The following CPT1A variants were observed in gnomAD, a reference collection of about 807,000 sequenced individuals.
The protein encoded by CPT1A is carnitine palmitoyltransferase 1A, also known as carnitine O-palmitoyltransferase 1, liver isoform.
In CPT1A, 64 loss-of-function variants were observed where a neutral mutation model predicts 100.8. The observed-to-expected ratio is 0.63, with a 90% CI of 0.52 to 0.78. The LOEUF is 0.78. Among genes scored for constraint, CPT1A ranks in the 30% least tolerant of loss-of-function variants. The pLI is 0.00. For missense variants in CPT1A, 802 were observed against 1,034.1 expected (o/e 0.78, Z 3.08); for synonymous variants, 363 against 396.0 (o/e 0.92, Z 0.99).
chr11:68,766,798 G>A (rs953014496), intron 14 of CPT1A, among the ~76,000 whole-genome samples: 6 of 151,018 alleles, frequency 4.0e-5, no homozygotes, highest in African/African-American at 1.5e-4. Flanking sequence ...CTCCAGCCTG[G>A]GTGACAGAGT....
intron 8 of CPT1A, among the ~76,000 whole-genome samples, chr11:68,794,452 C>A (rs1855702395): frequency 6.6e-6 from 1 of 151,992 alleles, no homozygotes; most frequent in Non-Finnish European, 1.5e-5. Context: ...CTCTTATAAC[C>A]CAGGCTAGAG....
At chr11:68,807,889 T>G (rs958508162) in intron 3 of CPT1A, among the ~76,000 whole-genome samples, 1 of 152,256 alleles carries the variant, frequency 6.6e-6, no homozygotes, top group African/African-American at 2.4e-5. Context: ...CGGGCCTGTT[T>G]GCTCTCTTCC....
At chr11:68,778,946 C>T (rs978150177) in intron 12 of CPT1A, among the ~76,000 whole-genome samples, 21 of 151,780 alleles carry the variant, frequency 1.4e-4, no homozygotes, top group Admixed American at 3.9e-4. Flanking sequence ...CCACCACGCC[C>T]GGCTAATTTT....
At chr11:68,771,558 C>T (rs1026666027) in intron 14 of CPT1A, among the ~76,000 whole-genome samples, 1 of 152,176 alleles carries the variant, frequency 6.6e-6, no homozygotes, top group African/African-American at 2.4e-5. Context: ...AGGAGCTTGT[C>T]ACTGTGCTCC....
chr11:68,783,053 A>G (rs1855358179), intron 10 of CPT1A, among the ~76,000 whole-genome samples: 1 of 152,032 alleles, frequency 6.6e-6, no homozygotes, highest in Admixed American at 6.5e-5. Flanking sequence ...TTCACCCGAG[A>G]TGCATCTCCT....
At position 68,757,231 on chromosome 11, in the gene CPT1A, A is replaced by G; in HGVS notation, c.*413T>C. 1.0e-6 allele frequency: 1 copy of G among 978,564 alleles called. No individual in the cohort carries two copies. The highest frequency in any genetic ancestry group is 1.3e-6 in the Non-Finnish European group (1 of 799,380). 60.6% of individuals were successfully genotyped at this position (978,564 alleles called of 1,614,324 possible). On this transcript the variant is annotated 3_prime_UTR_variant, in exon 19 of 19. Transcript: ENST00000265641. ...AATAACACATTTTTCTTTTAACAAA[A>G]CAAAAGTTTACCCTGCTTGGATGAT...
chr11:68,778,452 C>T (rs1330286341), intron 12 of CPT1A, among the ~76,000 whole-genome samples: 2 of 152,074 alleles, frequency 1.3e-5, no homozygotes, highest in African/African-American at 2.4e-5. Context: ...AAAGAAACGT[C>T]AAGGCCAGGC....
In CPT1A at chr11:68,757,182, G is replaced by T; in HGVS notation, c.*462C>A. The T allele has an allele frequency of 4.1e-6, 2 of 493,804 alleles. No homozygotes were observed. The allele number at this position is 493,804 out of a possible 1,614,324, so 30.6% of individuals were successfully genotyped here. ...TGGTTAGTGCATTCCAGATGTGTTA[G>T]CTACAACTGGGGACACCAACTTGAA... On this transcript the variant is annotated 3_prime_UTR_variant, in exon 19 of 19. Transcript: ENST00000265641.
chr11:68,802,747 T>A (rs1207660898), intron 5 of CPT1A, among the ~76,000 whole-genome samples: 33 of 142,596 alleles, frequency 2.3e-4, no homozygotes, highest in African/African-American at 7.9e-4. Flanking sequence ...AAAAAAAAAA[T>A]ATTGCCATAT....
chr11:68,767,922 T>C (rs1342043697), intron 14 of CPT1A, among the ~76,000 whole-genome samples: 1 of 152,080 alleles, frequency 6.6e-6, no homozygotes, highest in Non-Finnish European at 1.5e-5. Flanking sequence ...CCCTCCTGCC[T>C]GCTTTTCCTT....
chr11:68,782,895 TGA>T (rs1855352159), intron 10 of CPT1A, among the ~76,000 whole-genome samples: 1 of 152,162 alleles, frequency 6.6e-6, no homozygotes, highest in Non-Finnish European at 1.5e-5. Flanking sequence ...GGTAAGATGC[TGA>T]TCTGGCCCTA....
intron 5 of CPT1A, among the ~76,000 whole-genome samples, chr11:68,802,948 G>A (rs890820961): frequency 3.4e-5 from 5 of 147,056 alleles, no homozygotes; most frequent in African/African-American, 9.9e-5. Context: ...GAGTAGCTTT[G>A]AGGATGAAAT....
At chr11:68,840,298 G>A (rs1447890587) in intron 1 of CPT1A, among the ~76,000 whole-genome samples, 1 of 152,304 alleles carries the variant, frequency 6.6e-6, no homozygotes, top group East Asian at 1.9e-4. Flanking sequence ...AGGCCCGGGG[G>A]TGGGGGTGCT....
chr11:68,824,269 GA>G (rs1321090583), intron 1 of CPT1A, among the ~76,000 whole-genome samples: 3 of 147,982 alleles, frequency 2.0e-5, no homozygotes, highest in Non-Finnish European at 4.5e-5. Flanking sequence ...AAAAAAAAGA[GA>G]AAAAAGATGG....
At chr11:68,782,680 A>G (rs2924684) in intron 10 of CPT1A, among the ~76,000 whole-genome samples, 139,961 of 152,230 alleles carry the variant, frequency 0.92, 64,556 homozygotes, top group Non-Finnish European at 0.95. Flanking sequence ...CTCCTCCAGG[A>G]CCCTCTGCCA....
intron 1 of CPT1A, among the ~76,000 whole-genome samples, chr11:68,823,233 G>A (rs1283076715): frequency 6.6e-6 from 1 of 151,512 alleles, no homozygotes; most frequent in East Asian, 2.0e-4. Context: ...CTGGGCAACA[G>A]AGCAAGACCC....
At chr11:68,789,967 T>C (rs940309856) in intron 9 of CPT1A, among the ~76,000 whole-genome samples, 19 of 152,230 alleles carry the variant, frequency 1.2e-4, no homozygotes, top group African/African-American at 4.3e-4. Flanking sequence ...ATTTGGATTT[T>C]TCCGTTGTTG....
intron 18 of CPT1A, among the ~76,000 whole-genome samples, chr11:68,759,108 T>C (rs1410349507): frequency 6.6e-6 from 1 of 151,828 alleles, no homozygotes; most frequent in African/African-American, 2.4e-5. Context: ...ATTAAAAAAA[T>C]TTAGGCCAGG....
chr11:68,783,346 T>C (rs1233445358), intron 10 of CPT1A, among the ~76,000 whole-genome samples: 1 of 151,006 alleles, frequency 6.6e-6, no homozygotes, highest in African/African-American at 2.4e-5. Flanking sequence ...TATGATTGGG[T>C]GCCTGGGACC....
Sources: allele counts gnomAD v4.1 joint callset (sites outside exome capture counted in the v4.1 genomes callset), GRCh38; gene constraint gnomAD v4.1.1; transcripts MANE v1.5; gene names NCBI Gene and HGNC (gene_info 2026-07-23, HGNC 2026-07-21).